The following NUP85 variants were observed in gnomAD, a reference collection of about 807,000 sequenced individuals.
NUP85 encodes the protein nuclear pore complex protein Nup85.
In NUP85, 23 loss-of-function variants were observed where a neutral mutation model predicts 92.8. That is an observed-to-expected ratio of 0.25 (90% CI 0.18 to 0.35). The LOEUF is 0.35. Among genes scored for constraint, NUP85 ranks in the 10% least tolerant of loss-of-function variants. The probability of loss-of-function intolerance (pLI) is 1.00; values close to 1 mark genes in which losing one functional copy is unlikely to be tolerated. For synonymous variants in NUP85, 314 were observed against 306.9 expected (o/e 1.02, Z -0.24); for missense variants, 759 against 822.8 (o/e 0.92, Z 0.95).
chr17:75,235,322 T>C (rs1410036101), intron 18 of NUP85, 121 bp downstream of exon 18: 13 of 684,816 alleles, frequency 1.9e-5, no homozygotes, highest in African/African-American at 3.6e-5. Context: ...TCTGTTCCCC[T>C]TAACCTGTGT....
rs557071193 is a variant in NUP85, at chr17:75,215,673, C to G, written c.406-81C>G. 47 of 1,303,382 alleles carry G rather than the reference C, an allele frequency of 3.6e-5. No homozygotes were observed. The African/African-American group carries it at 6.4e-4, about 18-fold the overall frequency. The allele number at this position is 1,303,382 out of a possible 1,614,324, so 80.7% of individuals were successfully genotyped here. A position where few individuals can be genotyped will look rare whatever the true frequency, so the allele number is the denominator to read the frequency against. On this transcript the variant is annotated intron_variant, in intron 5 of 18. Coordinates refer to ENST00000245544, the MANE Select transcript of NUP85 (RefSeq NM_024844.5). ...GTTAAGGAATGACTGTCATATGAGT[C>G]AAAGTCTGCTTTATCCCTTGGCTCT... is the stretch of plus-strand genomic sequence containing the variant.
intron 2 of NUP85, among the ~76,000 whole-genome samples, 196 bp downstream of exon 2, chr17:75,208,816 C>A (rs1053700255): frequency 6.6e-6 from 1 of 152,034 alleles, no homozygotes; most frequent in Non-Finnish European, 1.5e-5. Context: ...GATCATGGCT[C>A]ACTGCAGCCT....
chr17:75,211,921 G>A, intron 3 of NUP85, 71 bp from the exon 4 acceptor site: 2 of 1,188,516 alleles, frequency 1.7e-6, no homozygotes, highest in Non-Finnish European at 2.5e-6. Flanking sequence ...GCATTTATTT[G>A]AGTGTTTCCT....
chr17:75,206,804 TCTC>T (rs1378248034), intron 1 of NUP85, among the ~76,000 whole-genome samples: 2 of 151,696 alleles, frequency 1.3e-5, no homozygotes, highest in African/African-American at 4.8e-5. Flanking sequence ...TTCACACCAT[TCTC>T]CTGCCTCAGC....
At chr17:75,211,622 C>T (rs1460503652) in intron 3 of NUP85, among the ~76,000 whole-genome samples, 1 of 151,966 alleles carries the variant, frequency 6.6e-6, no homozygotes, top group Admixed American at 6.6e-5. Flanking sequence ...GTCTCAAACA[C>T]CTGACCTCAG....
chr17:75,226,176 C>T lies in NUP85; in HGVS notation c.1094+19C>T, dbSNP rs372963636. On this transcript the variant is annotated intron_variant, in intron 11 of 18. Coordinates refer to ENST00000245544, the MANE Select transcript of NUP85 (RefSeq NM_024844.5). ...AGTGCAGGTAGGATCTCTCCCACCC[C>T]CCACTGTAACCATTTTTAGGTGTAC... 4 of 1,592,290 alleles carry T rather than the reference C, an allele frequency of 2.5e-6. No homozygotes were observed. Among genetic ancestry groups the T allele is most frequent in the African/African-American group, 2.7e-5 (2 of 74,442 alleles).
At chr17:75,234,388 T>A (rs2076240015) in intron 16 of NUP85, among the ~76,000 whole-genome samples, 1 of 152,170 alleles carries the variant, frequency 6.6e-6, no homozygotes, top group African/African-American at 2.4e-5. Flanking sequence ...ATGACTCTTG[T>A]TATGTATTTT....
chr17:75,212,986 G>A, intron 4 of NUP85, 90 bp from the exon 5 acceptor site: 2 of 1,201,914 alleles, frequency 1.7e-6, no homozygotes, highest in Non-Finnish European at 2.4e-6. Flanking sequence ...AAAATAAACA[G>A]AGGCTCAAGC....
chr17:75,206,441 C>T (rs2075083450), intron 1 of NUP85, among the ~76,000 whole-genome samples: 1 of 151,728 alleles, frequency 6.6e-6, no homozygotes, highest in Non-Finnish European at 1.5e-5. Context: ...AGGATCCAAC[C>T]GGGAAAAAGC....
At chr17:75,226,824 G>A in intron 11 of NUP85, 1 of 433,022 alleles carries the variant, frequency 2.3e-6, no homozygotes, top group Non-Finnish European at 4.6e-6. Context: ...CTGTTTCTTG[G>A]CACCTAATGG....
chr17:75,205,858 T>C (rs1010310502), intron 1 of NUP85, 64 bp downstream of exon 1: 69 of 1,578,484 alleles, frequency 4.4e-5, no homozygotes, highest in Non-Finnish European at 5.9e-5. Context: ...GCTTAGTTAC[T>C]TCAGGCTTGT....
chr17:75,221,296 G>A (rs2075592212), intron 7 of NUP85, among the ~76,000 whole-genome samples: 2 of 151,866 alleles, frequency 1.3e-5, no homozygotes, highest in Non-Finnish European at 2.9e-5. Context: ...TCGCCATCCT[G>A]CCTGGCTCAT....
At chr17:75,216,899 T>C (rs1409757444) in intron 6 of NUP85, among the ~76,000 whole-genome samples, 1 of 152,278 alleles carries the variant, frequency 6.6e-6, no homozygotes, top group Non-Finnish European at 1.5e-5. Flanking sequence ...TTTTTATTGA[T>C]TGATTGAGAC....
intron 7 of NUP85, among the ~76,000 whole-genome samples, chr17:75,222,723 A>G (rs747306657): frequency 3.9e-4 from 59 of 152,046 alleles, no homozygotes; most frequent in Non-Finnish European, 6.8e-4. Flanking sequence ...CTTACTTGAC[A>G]TAATATTGTT....
intron 3 of NUP85, among the ~76,000 whole-genome samples, chr17:75,210,569 C>T (rs1224211469): frequency 6.6e-6 from 1 of 152,154 alleles, no homozygotes; most frequent in African/African-American, 2.4e-5. Context: ...TTGTCAGCGT[C>T]CCTTCACATG....
chr17:75,213,480 A>G (rs1007567786), intron 5 of NUP85, among the ~76,000 whole-genome samples: 12 of 151,732 alleles, frequency 7.9e-5, no homozygotes, highest in South Asian at 4.1e-4. Context: ...TTTAGTAGAG[A>G]TGGGGTTTCA....
In NUP85 at chr17:75,233,136, C is replaced by G. The variant is rs778844148; in HGVS notation, c.1593C>G (p.Leu531=). The change falls in exon 16 of 19, where the codon CTC becomes CTG. Residue 531 remains leucine, a synonymous_variant. Coordinates refer to ENST00000245544, the MANE Select transcript of NUP85 (RefSeq NM_024844.5). ...ACAACCTGGGGCCAGCCATGATGCT[C>G]AGTGACCGACTGACATTCCTGGGTG... ...LIDNLGPAMM[L]SDRLTFLGKY... 8 of 1,613,984 alleles carry G rather than the reference C, an allele frequency of 5.0e-6. No individual in the cohort carries two copies. The highest frequency in any genetic ancestry group is 1.3e-5 in the African/African-American group (1 of 74,912).
chr17:75,231,861 C>T lies in NUP85; in HGVS notation c.1278C>T (p.Tyr426=), dbSNP rs755836518. The change falls in exon 14 of 19, where the codon TAC becomes TAT. Residue 426 remains tyrosine (Y), a synonymous_variant. Coordinates refer to ENST00000245544, the MANE Select transcript of NUP85 (RefSeq NM_024844.5). This position sits in a 1 kb window ranked among gnomAD's most constrained non-coding sequence, Gnocchi z 4.6. ...AGCTGGGGGTCGATTACTTTGATTA[C>T]TGCCCCGAGCTGGGCCGAGTCTCCC... is the stretch of plus-strand genomic sequence containing the variant. The part of the protein sequence containing the change: ...LWQLGVDYFD[Y]CPELGRVSLE... 1.6e-5 allele frequency: 26 copies of T among 1,614,022 alleles called. No individual in the cohort carries two copies. Among genetic ancestry groups the T allele is most frequent in the Non-Finnish European group, 2.1e-5 (25 of 1,180,010 alleles).
rs1376629390 is a variant in NUP85, at chr17:75,230,107, G to C, written c.1095-1233G>C. ...CACTCAGGCTGGAGTGCAGTGGCAC[G>C]ATCTCAGCTCACTGCAGCCTCTGCC... On this transcript the variant is annotated intron_variant, in intron 11 of 18. Transcript: ENST00000245544. 4.0e-5 allele frequency among the ~76,000 whole-genome samples: 6 copies of C among 150,864 alleles called. 1 individual carries two copies. The highest frequency in any genetic ancestry group is 3.3e-4 in the Admixed American group (5 of 15,118).
Sources: allele counts gnomAD v4.1 joint callset (sites outside exome capture counted in the v4.1 genomes callset), GRCh38; gene constraint gnomAD v4.1.1; non-coding constraint Gnocchi (gnomAD v3.1); transcripts MANE v1.5; gene names NCBI Gene and HGNC (gene_info 2026-07-23, HGNC 2026-07-21).